The following ANKFN1 variants were observed in gnomAD, a reference collection of about 807,000 sequenced individuals.
ANKFN1 encodes the protein ankyrin repeat and fibronectin type-III domain-containing protein 1.
In ANKFN1, 74 loss-of-function variants were observed where a neutral mutation model predicts 108.7. The ratio of observed to expected loss-of-function variants is 0.68; its 90% confidence interval spans 0.56 to 0.83. The LOEUF (loss-of-function observed/expected upper bound fraction) is 0.83. Among genes scored for constraint, ANKFN1 ranks in the 40% least tolerant of loss-of-function variants. The probability of loss-of-function intolerance (pLI) is 0.00; values close to 1 mark genes in which losing one functional copy is unlikely to be tolerated. For synonymous variants in ANKFN1, 547 were observed against 516.2 expected, an observed-to-expected ratio of 1.06 and a Z score of -0.81; for missense variants, 1,505 against 1,382.3, an observed-to-expected ratio of 1.09 and a Z score of -1.41.
At chr17:56,237,902 T>C (rs1362748824) in intron 3 of ANKFN1, among the ~76,000 whole-genome samples, 1 of 152,184 alleles carries the variant, frequency 6.6e-6, no homozygotes, top group Non-Finnish European at 1.5e-5. Context: ...AACTTTTTGA[T>C]GTGGGAGTTT....
intron 19 of ANKFN1, among the ~76,000 whole-genome samples, chr17:56,496,914 A>C (rs1431348119): frequency 6.6e-6 from 1 of 152,130 alleles, no homozygotes; most frequent in African/African-American, 2.4e-5. Context: ...ACTTATCTAT[A>C]TTATCTTACT....
intron 3 of ANKFN1, among the ~76,000 whole-genome samples, chr17:56,260,013 A>G (rs1032882076): frequency 1.3e-5 from 2 of 152,140 alleles, no homozygotes; most frequent in African/African-American, 4.8e-5. Flanking sequence ...ACATGCAATT[A>G]TAAGCATACA....
chr17:56,170,807 T>TATAC lies in ANKFN1; in HGVS notation c.-71+17278_-71+17279insTACA, dbSNP rs1361307404. ...ATATATATATATATATATATATATATACACACACACACACACACACACACA... is the reference window on the plus strand; with the variant it reads ...ATATATATATATATATATATATATATATACACACACACACACACACACACACACA... On this transcript the variant is annotated intron_variant, in intron 1 of 20. Coordinates refer to ENST00000682825, the MANE Select transcript of ANKFN1 (RefSeq NM_001370326.1). 6.8e-3 allele frequency among the ~76,000 whole-genome samples: 418 copies of TATAC among 61,412 alleles called. 1 individual carries two copies. The highest frequency in any genetic ancestry group is 0.026 in the Middle Eastern group (3 of 116). 40.3% of individuals were successfully genotyped at this position (61,412 alleles called of 152,430 possible).
intron 4 of ANKFN1, among the ~76,000 whole-genome samples, chr17:56,112,995 A>T (rs1455749816): frequency 2.0e-5 from 3 of 152,238 alleles, no homozygotes; most frequent in Non-Finnish European, 4.4e-5. Context: ...TGAATTTCCC[A>T]AAGAGCAATT....
At chr17:56,067,859 A>G (rs1321295220) in intron 4 of ANKFN1, among the ~76,000 whole-genome samples, 2 of 152,162 alleles carry the variant, frequency 1.3e-5, no homozygotes, top group Admixed American at 6.5e-5. Flanking sequence ...CATTTCTGGA[A>G]TACAGTTTTC....
At chr17:56,227,409 T>C (rs1916363207) in intron 2 of ANKFN1, among the ~76,000 whole-genome samples, 1 of 152,142 alleles carries the variant, frequency 6.6e-6, no homozygotes, top group Non-Finnish European at 1.5e-5. Flanking sequence ...ACAAAAGCTT[T>C]CTATTTCTTG....
At chr17:56,324,595 G>T (rs573258032) in intron 3 of ANKFN1, among the ~76,000 whole-genome samples, 1 of 152,124 alleles carries the variant, frequency 6.6e-6, no homozygotes, top group Non-Finnish European at 1.5e-5. Context: ...AGATGAAAGG[G>T]TAAAGTTTTA....
intron 3 of ANKFN1, among the ~76,000 whole-genome samples, chr17:56,266,384 C>G (rs981769382): frequency 1.1e-4 from 17 of 152,178 alleles, no homozygotes; most frequent in African/African-American, 4.1e-4. Context: ...CTCCCTCCCT[C>G]TACTGTCAAA....
At chr17:56,381,191 C>G (rs191670806) in intron 8 of ANKFN1, among the ~76,000 whole-genome samples, 134 of 152,292 alleles carry the variant, frequency 8.8e-4, no homozygotes, top group African/African-American at 2.9e-3. Flanking sequence ...CTGGAGTGGA[C>G]CTCTAGCAAA....
At chr17:56,365,583 C>G (rs1169129984) in intron 6 of ANKFN1, among the ~76,000 whole-genome samples, 6 of 152,170 alleles carry the variant, frequency 3.9e-5, no homozygotes, top group African/African-American at 1.2e-4. Flanking sequence ...CCCCAAAGCC[C>G]TTTTACCACG....
At chr17:56,395,190 G>A (rs920387143) in intron 8 of ANKFN1, among the ~76,000 whole-genome samples, 2 of 152,186 alleles carry the variant, frequency 1.3e-5, no homozygotes, top group African/African-American at 4.8e-5. Context: ...TTAATGAAGG[G>A]ATTATTTACA....
intron 8 of ANKFN1, among the ~76,000 whole-genome samples, chr17:56,401,938 C>T (rs1194246285): frequency 6.6e-6 from 1 of 152,090 alleles, no homozygotes; most frequent in African/African-American, 2.4e-5. Flanking sequence ...TTTTCTGCAT[C>T]TATTAAGATT....
At chr17:56,457,196 CA>C in intron 12 of ANKFN1, 60 bp from the exon 13 acceptor site, 5 of 1,465,410 alleles carry the variant, frequency 3.4e-6, no homozygotes, top group Admixed American at 2.4e-5. Context: ...TTATCACATC[CA>C]AAAAAATATT....
chr17:56,420,209 A>G (rs1483053869), intron 8 of ANKFN1, among the ~76,000 whole-genome samples: 1 of 152,186 alleles, frequency 6.6e-6, no homozygotes, highest in Non-Finnish European at 1.5e-5. Flanking sequence ...GAATGAATAC[A>G]TATAATTTAA....
chr17:56,344,186 C>T (rs533530171), intron 4 of ANKFN1, among the ~76,000 whole-genome samples: 22 of 151,962 alleles, frequency 1.4e-4, no homozygotes, highest in Non-Finnish European at 2.9e-4. Flanking sequence ...AATGATGTAG[C>T]AACTCTGGAA....
Position 56,077,875 on chromosome 17 carries a change from A to G in ANKFN1, c.288+31550A>G, listed in dbSNP as rs545940450. On this transcript the variant is annotated intron_variant, in intron 4 of 12. Transcript: ENST00000635860. ...CTCATCCATTAGCTGCATGCCACTT[A>G]CTTTACAAACACTATGCTAAATACA... Among the ~76,000 whole-genome samples, 5 of 152,284 alleles carry G rather than the reference A, an allele frequency of 3.3e-5. No homozygotes were observed. The South Asian group carries it at 1.0e-3, about 32-fold the overall frequency.
intron 4 of ANKFN1, among the ~76,000 whole-genome samples, chr17:56,106,841 T>C (rs1905761410): frequency 6.6e-6 from 1 of 152,174 alleles, no homozygotes; most frequent in Non-Finnish European, 1.5e-5. Flanking sequence ...GTTATGTTTC[T>C]GTATAACAAT....
chr17:56,141,172 C>T (rs1907895505), intron 4 of ANKFN1, among the ~76,000 whole-genome samples: 1 of 152,206 alleles, frequency 6.6e-6, no homozygotes, highest in South Asian at 2.1e-4. Flanking sequence ...TTAGCCATCT[C>T]TGAGCGCTAC....
At chr17:56,271,547 G>A (rs187081878) in intron 3 of ANKFN1, among the ~76,000 whole-genome samples, 170 of 152,298 alleles carry the variant, frequency 1.1e-3, no homozygotes, top group African/African-American at 3.9e-3. Flanking sequence ...GAAGCAAGCA[G>A]ACCTAGAAGA....
Sources: gnomAD v4.1 joint callset for allele counts (sites outside exome capture counted in the v4.1 genomes callset) on GRCh38, gnomAD v4.1.1 for gene constraint, MANE v1.5 for transcripts, NCBI Gene and HGNC (gene_info 2026-07-23, HGNC 2026-07-21) for gene names.